MAP3K21: variants seen among roughly 807,000 people sequenced by gnomAD.
The protein encoded by MAP3K21 is mitogen-activated protein kinase kinase kinase MLK4.
A neutral mutation model predicts 86.1 loss-of-function variants in MAP3K21; 63 were observed. That is an observed-to-expected ratio of 0.73 (90% CI 0.60 to 0.90). The LOEUF is 0.90. Ranked by LOEUF, MAP3K21 falls within the 40% of genes least tolerant of loss-of-function variation. MAP3K21 has a pLI of 0.00. For synonymous variants in MAP3K21, 558 were observed against 564.8 expected, an observed-to-expected ratio of 0.99 and a Z score of 0.17; for missense variants, 1,220 against 1,367.7, an observed-to-expected ratio of 0.89 and a Z score of 1.70.
At position 233,349,004 on chromosome 1, in the gene MAP3K21, T is replaced by G. The variant is rs368931378; in HGVS notation, c.986+2382T>G. 1.5e-3 allele frequency among the ~76,000 whole-genome samples: 224 copies of G among 152,328 alleles called. 5 individuals are homozygous for G. In the South Asian group the frequency reaches 0.046, roughly 31 times the overall value. ...CATAAAACTGCCTTCCATTTAAAGC[T>G]TATCTTCTGCATTTAAAATTATGAT... On this transcript the variant is annotated intron_variant, in intron 2 of 9. Coordinates refer to ENST00000366624, the MANE Select transcript of MAP3K21 (RefSeq NM_032435.3).
chr1:233,375,115 T>C (rs1222246164), intron 6 of MAP3K21, among the ~76,000 whole-genome samples: 1 of 151,952 alleles, frequency 6.6e-6, no homozygotes, highest in African/African-American at 2.4e-5. Context: ...TTAATTTTTT[T>C]GTATTTTTAG....
chr1:233,360,243 C>T (rs1663441564), intron 4 of MAP3K21, among the ~76,000 whole-genome samples: 1 of 152,036 alleles, frequency 6.6e-6, no homozygotes, highest in Admixed American at 6.6e-5. Context: ...GTAAAATGTC[C>T]AATTTGGACA....
intron 1 of MAP3K21, among the ~76,000 whole-genome samples, chr1:233,331,434 G>A (rs981603505): frequency 5.3e-5 from 8 of 152,228 alleles, no homozygotes; most frequent in Non-Finnish European, 1.0e-4. Flanking sequence ...GATTTTATTT[G>A]TTCAATGAAT....
chr1:233,332,555 C>T (rs61826060), intron 1 of MAP3K21, among the ~76,000 whole-genome samples: 201 of 152,260 alleles, frequency 1.3e-3, no homozygotes, highest in Non-Finnish European at 2.2e-3. Flanking sequence ...CTGTGAAGAA[C>T]GGACTGCAGT....
chr1:233,339,670 G>A (rs1330070059), intron 1 of MAP3K21, among the ~76,000 whole-genome samples: 1 of 151,866 alleles, frequency 6.6e-6, no homozygotes, highest in Non-Finnish European at 1.5e-5. Context: ...CTTTTGTAGG[G>A]GTTGGTTCTC....
In MAP3K21 at chr1:233,367,404, AGCT is replaced by A. The variant is rs140421201; in HGVS notation, c.1553-4630_1553-4628del. ...TTACTCAAGCCTGTGATTGAACTAT[AGCT>A]GCTATGACCAGGCATCTTGAGAACC... On this transcript the variant is annotated intron_variant, in intron 5 of 9. Transcript: ENST00000366624. 8.8e-3 allele frequency among the ~76,000 whole-genome samples: 1,337 copies of A among 152,344 alleles called. 25 individuals are homozygous for A. The highest frequency in any genetic ancestry group is 0.031 in the African/African-American group (1,281 of 41,582).
At chr1:233,340,681 G>A (rs890023645) in intron 1 of MAP3K21, among the ~76,000 whole-genome samples, 3 of 152,150 alleles carry the variant, frequency 2.0e-5, no homozygotes, top group African/African-American at 4.8e-5. Flanking sequence ...AACATTCTAT[G>A]CTATGTGATA....
At chr1:233,356,123 AT>A (rs1251536871) in intron 4 of MAP3K21, among the ~76,000 whole-genome samples, 1 of 152,038 alleles carries the variant, frequency 6.6e-6, no homozygotes, top group Non-Finnish European at 1.5e-5. Flanking sequence ...CATTTCATGA[AT>A]GGTGGCCCCT....
intron 1 of MAP3K21, among the ~76,000 whole-genome samples, chr1:233,330,228 T>A (rs914102450): frequency 2.6e-5 from 4 of 152,224 alleles, no homozygotes; most frequent in Non-Finnish European, 4.4e-5. Flanking sequence ...TATTTCATGA[T>A]CCTCCTTCCC....
intron 1 of MAP3K21, among the ~76,000 whole-genome samples, chr1:233,338,084 A>T (rs1256272546): frequency 6.6e-6 from 1 of 152,244 alleles, no homozygotes; most frequent in Admixed American, 6.5e-5. Flanking sequence ...TACTAACATG[A>T]TAGAAATTTA....
chr1:233,380,099 T>C (rs1246849639), intron 9 of MAP3K21, among the ~76,000 whole-genome samples: 2 of 152,204 alleles, frequency 1.3e-5, no homozygotes, highest in Non-Finnish European at 2.9e-5. Flanking sequence ...CTGCTGTACA[T>C]GTCATTGTTC....
chr1:233,364,070 A>T (rs1391750383), intron 5 of MAP3K21, among the ~76,000 whole-genome samples: 1 of 152,024 alleles, frequency 6.6e-6, no homozygotes, highest in Non-Finnish European at 1.5e-5. Flanking sequence ...TCATCATGAG[A>T]GTCCAGTATA....
intron 1 of MAP3K21, among the ~76,000 whole-genome samples, chr1:233,342,993 G>A (rs1490320246): frequency 6.6e-6 from 1 of 152,034 alleles, no homozygotes; most frequent in South Asian, 2.1e-4. Context: ...AAGATGACAC[G>A]GGGAAAAAAG....
In MAP3K21 at chr1:233,382,600, G is replaced by A. The variant is rs1663939643; in HGVS notation, c.3000G>A (p.Leu1000=). ...ERTKSHVPSL[L]DADVEGQSRD... ...CTAAATCCCATGTGCCTTCATTACT[G>A]GATGCTGACGTGGAAGGTCAGAGCA... The change falls in exon 10 of 10, where the codon CTG becomes CTA. Residue 1000 remains leucine, a synonymous_variant. Coordinates refer to ENST00000366624, the MANE Select transcript of MAP3K21 (RefSeq NM_032435.3). The A allele has an allele frequency of 1.9e-6, 3 of 1,614,026 alleles. 1 individual carries two copies. Among genetic ancestry groups the A allele is most frequent in the South Asian group, 2.2e-5 (2 of 91,084 alleles).
chr1:233,332,285 C>T (rs1185598157), intron 1 of MAP3K21, among the ~76,000 whole-genome samples: 1 of 152,008 alleles, frequency 6.6e-6, no homozygotes, highest in Non-Finnish European at 1.5e-5. Context: ...GAAAATTAAG[C>T]ATGGTAAGGG....
intron 1 of MAP3K21, among the ~76,000 whole-genome samples, chr1:233,332,707 A>G (rs999218043): frequency 6.6e-6 from 1 of 152,344 alleles, no homozygotes; most frequent in Middle Eastern, 3.4e-3. Context: ...ATTCCCAAGG[A>G]TGGTTTGAAA....
intron 9 of MAP3K21, among the ~76,000 whole-genome samples, chr1:233,381,338 A>G (rs1245745740): frequency 6.6e-6 from 1 of 152,232 alleles, no homozygotes; most frequent in Non-Finnish European, 1.5e-5. Flanking sequence ...AGATCGTGGT[A>G]AAAGTCAGAT....
In MAP3K21 at chr1:233,382,310, G is replaced by A. The variant is rs1663932488; in HGVS notation, c.2710G>A (p.Ala904Thr). Reference sequence around the variant, plus strand: ...GTTTTGGCTTTCTCAACCAGCTGGTGCAACTATTATCTCAGCCACTGGAGC... The same window carrying A: ...GTTTTGGCTTTCTCAACCAGCTGGTACAACTATTATCTCAGCCACTGGAGC... ...MSDGNPTPTG[A>T]TIISATGASA... The change falls in exon 10 of 10, where the codon GCA (alanine) becomes ACA (threonine). Residue 904 changes from alanine (A) to threonine (T), a missense_variant. Around this residue, in one of 5 missense-constraint regions of MAP3K21, gnomAD observed 632 missense variants for 691.3 expected, o/e 0.91. Transcript: ENST00000366624. 1.2e-6 allele frequency: 2 copies of A among 1,608,344 alleles called. No individual in the cohort carries two copies. The highest frequency in any genetic ancestry group is 2.7e-5 in the African/African-American group (2 of 74,780).
chr1:233,345,420 A>G (rs1663114749), intron 1 of MAP3K21, among the ~76,000 whole-genome samples: 1 of 152,162 alleles, frequency 6.6e-6, no homozygotes, highest in Non-Finnish European at 1.5e-5. Context: ...GGATGAGTTC[A>G]TGTCCTTTGC....
Sources: gnomAD v4.1 joint callset for allele counts (sites outside exome capture counted in the v4.1 genomes callset) on GRCh38, gnomAD v4.1.1 for gene constraint, gnomAD v4.1.1 regional missense constraint, MANE v1.5 for transcripts, NCBI Gene and HGNC (gene_info 2026-07-23, HGNC 2026-07-21) for gene names.